PFKFB3: variants seen among roughly 807,000 people sequenced by gnomAD.
PFKFB3 encodes the protein 6-phosphofructo-2-kinase/fructose-2,6-biphosphatase 3.
In PFKFB3, 33 loss-of-function variants were observed where a neutral mutation model predicts 68.0. That is an observed-to-expected ratio of 0.49 (90% CI 0.37 to 0.65). The LOEUF is 0.65. PFKFB3 is among the 30% of genes least tolerant of loss of function. PFKFB3 has a pLI of 0.00. For missense variants in PFKFB3, 586 were observed against 712.2 expected, an observed-to-expected ratio of 0.82 and a Z score of 2.02; for synonymous variants, 315 against 288.2, an observed-to-expected ratio of 1.09 and a Z score of -0.94.
chr10:6,216,932 GC>G, intron 5 of PFKFB3, 152 bp downstream of exon 5: 1 of 811,016 alleles, frequency 1.2e-6, no homozygotes, highest in Non-Finnish European at 2.1e-6. Flanking sequence ...ACGTTTTGTG[GC>G]CTTAAATTTG....
intron 10 of PFKFB3, 169 bp from the exon 11 acceptor site, chr10:6,222,686 T>C: frequency 1.5e-6 from 1 of 645,162 alleles, no homozygotes; most frequent in South Asian, 2.2e-5. Flanking sequence ...CTTCACTCTT[T>C]TTGTGGCTGA....
intron 14 of PFKFB3, among the ~76,000 whole-genome samples, chr10:6,250,175 A>G (rs548166588): frequency 6.6e-6 from 1 of 152,304 alleles, no homozygotes; most frequent in East Asian, 1.9e-4. Flanking sequence ...GTAAAAGGCT[A>G]TGGTATAAAA....
At chr10:6,310,843 T>A in the PFKFB3 span, among the ~76,000 whole-genome samples, 2 of 152,222 alleles carry the variant, frequency 1.3e-5, no homozygotes, top group Admixed American at 6.5e-5. Context: ...AAGAAAGAGA[T>A]AAGTGATAGA....
At chr10:6,225,046 C>A in intron 13 of PFKFB3, 1 of 449,618 alleles carries the variant, frequency 2.2e-6, no homozygotes, top group South Asian at 1.6e-5. Flanking sequence ...TGCTGTCTAC[C>A]TTGGGGGGAG....
intron 1 of PFKFB3, among the ~76,000 whole-genome samples, chr10:6,187,476 T>A (rs1842901535): frequency 6.6e-6 from 1 of 152,214 alleles, no homozygotes; most frequent in Non-Finnish European, 1.5e-5. Context: ...TATTACGCTG[T>A]CTCATGTACA....
chr10:6,188,153 A>C (rs200898836), intron 1 of PFKFB3, among the ~76,000 whole-genome samples: 1 of 141,336 alleles, frequency 7.1e-6, no homozygotes, highest in Non-Finnish European at 1.6e-5. Flanking sequence ...ACCATTTGAG[A>C]GTTAGACGCA....
the PFKFB3 span, among the ~76,000 whole-genome samples, chr10:6,298,266 C>T: frequency 2.0e-5 from 3 of 151,962 alleles, no homozygotes; most frequent in Non-Finnish European, 4.4e-5. Context: ...AGGGTAACCT[C>T]GGATTACCCT....
At chr10:6,292,278 C>CTATT in the PFKFB3 span, among the ~76,000 whole-genome samples, 1 of 54,306 alleles carries the variant, frequency 1.8e-5, no homozygotes, top group East Asian at 1.1e-3. Flanking sequence ...TTTTTTTTTT[C>CTATT]TTTTTTTTTT....
At chr10:6,187,996 T>A (rs573484038) in intron 1 of PFKFB3, among the ~76,000 whole-genome samples, 1 of 47,242 alleles carries the variant, frequency 2.1e-5, no homozygotes, top group Non-Finnish European at 7.6e-5. Context: ...TCCATTTACC[T>A]ACCTACATAT....
At chr10:6,196,435 T>C (rs147207244) in intron 1 of PFKFB3, among the ~76,000 whole-genome samples, 102 of 152,250 alleles carry the variant, frequency 6.7e-4, no homozygotes, top group Non-Finnish European at 1.3e-3. Flanking sequence ...AGGTCCACAA[T>C]AGGCCGTCTG....
At chr10:6,269,500 A>AT in the PFKFB3 span, among the ~76,000 whole-genome samples, 1 of 151,944 alleles carries the variant, frequency 6.6e-6, no homozygotes, top group Non-Finnish European at 1.5e-5. Flanking sequence ...ACATACATAT[A>AT]TTTTTTTCCC....
chr10:6,304,485 C>T, the PFKFB3 span, among the ~76,000 whole-genome samples: 14 of 149,056 alleles, frequency 9.4e-5, no homozygotes, highest in African/African-American at 3.2e-4. Context: ...TTAAATGTAT[C>T]TAGTATGTTC....
In PFKFB3 at chr10:6,229,775, G is replaced by A. The variant is rs558352329; in HGVS notation, c.1516-3120G>A. 5.3e-5 allele frequency among the ~76,000 whole-genome samples: 8 copies of A among 152,288 alleles called. No individual in the cohort carries two copies. The highest frequency in any genetic ancestry group is 1.9e-4 in the East Asian group (1 of 5,186). ...CCGACCTTTTTGGTACCAGGGACCC[G>A]TTTCGTGGAAGAGAATTTTCCCCAC... On this transcript the variant is annotated intron_variant, in intron 14 of 14. Transcript: ENST00000379775. The surrounding 1 kb of genome is among the most constrained non-coding windows in gnomAD (Gnocchi z 4.3).
At chr10:6,237,314 A>T (rs564620562), downstream of PFKFB3, among the ~76,000 whole-genome samples, 2 of 152,330 alleles carry the variant, frequency 1.3e-5, no homozygotes, top group South Asian at 4.1e-4. Context: ...CATCGTCCAT[A>T]CGGACCTGGC....
intron 1 of PFKFB3, among the ~76,000 whole-genome samples, chr10:6,176,177 T>C (rs1842461592): frequency 6.6e-6 from 1 of 152,154 alleles, no homozygotes; most frequent in East Asian, 1.9e-4. Flanking sequence ...AAGAATCTTA[T>C]GGGGAAAATG....
At position 6,228,384 on chromosome 10, in the gene PFKFB3, A is replaced by G; in HGVS notation, c.1515+2019A>G. On this transcript the variant is annotated intron_variant, in intron 14 of 14. Coordinates refer to ENST00000379775, the MANE Select transcript of PFKFB3 (RefSeq NM_004566.4). The surrounding 1 kb of genome is among the most constrained non-coding windows in gnomAD (Gnocchi z 4.5). ...TAGGAGTAGGGAGGAGAGATTCCTG[A>G]ATGTTTTTGGAAAAGCGTGCAGGCG... 2.6e-6 allele frequency: 2 copies of G among 766,028 alleles called. No individual in the cohort carries two copies. Among genetic ancestry groups the G allele is most frequent in the Non-Finnish European group, 4.5e-6 (2 of 445,822 alleles). 47.5% of individuals were successfully genotyped at this position (766,028 alleles called of 1,614,324 possible).
chr10:6,161,562 A>G (rs1421982002), intron 1 of PFKFB3, among the ~76,000 whole-genome samples: 1 of 125,412 alleles, frequency 8.0e-6, no homozygotes, highest in Non-Finnish European at 1.8e-5. Flanking sequence ...ATATACACAC[A>G]TATGTATATA....
chr10:6,231,525 C>G, intron 14 of PFKFB3: 2 of 985,386 alleles, frequency 2.0e-6, no homozygotes. Flanking sequence ...TGGACATCAC[C>G]CGGTCTTGCA....
At chr10:6,302,956 A>T in the PFKFB3 span, among the ~76,000 whole-genome samples, 3 of 152,116 alleles carry the variant, frequency 2.0e-5, no homozygotes, top group Non-Finnish European at 4.4e-5. Flanking sequence ...AGGGCGCTCG[A>T]GGTAACGGGA....
Sources: allele counts gnomAD v4.1 joint callset (sites outside exome capture counted in the v4.1 genomes callset), GRCh38; gene constraint gnomAD v4.1.1; non-coding constraint Gnocchi (gnomAD v3.1); transcripts MANE v1.5; gene names NCBI Gene and HGNC (gene_info 2026-07-23, HGNC 2026-07-21).